NECAB3: variants seen among roughly 807,000 people sequenced by gnomAD.
NECAB3 encodes the protein N-terminal EF-hand calcium binding protein 3.
Under a neutral mutation model 57.2 loss-of-function variants are expected in NECAB3, and 38 were observed. The observed-to-expected ratio is 0.66, with a 90% CI of 0.51 to 0.87. The LOEUF (loss-of-function observed/expected upper bound fraction) is 0.87, where lower values mean the gene tolerates loss of function less well. Ranked by LOEUF, NECAB3 falls within the 40% of genes least tolerant of loss-of-function variation. The pLI, the probability that NECAB3 is intolerant of heterozygous loss-of-function variation, is 0.00. For synonymous variants in NECAB3, 223 were observed against 222.6 expected (o/e 1.00, Z -0.02); for missense variants, 474 against 527.5 (o/e 0.90, Z 0.99).
rs1358279584 is a variant in NECAB3, at chr20:33,674,337, GC to G, written c.15del (p.Leu6CysfsTer85). 8.3e-7 allele frequency: 1 copy of G among 1,204,902 alleles called. No homozygotes were observed. The highest frequency in any genetic ancestry group is 1.0e-6 in the Non-Finnish European group (1 of 970,528). The allele number at this position is 1,204,902 out of a possible 1,614,324, so 74.6% of individuals were successfully genotyped here. ...GGCCGGAGCAGGCACACGGTGAGCA[GC>G]CCCGCGCACGCCATGGCGCCGCCAC... is the stretch of plus-strand genomic sequence containing the variant. MACA[G>X]LLTVCLLRPP... is the part of the protein sequence containing the mutation. On this transcript the variant is annotated frameshift_variant, in exon 1 of 12. Transcript: ENST00000246190. LOFTEE classifies it high-confidence loss of function.
chr20:33,659,671 G>A lies in NECAB3; in HGVS notation c.705C>T (p.Ile235=), dbSNP rs538309239. Reference sequence around the variant, plus strand: ...CCCTCACCTTGCACTCGAGCTGGTCGATGAGCTCCTGGAGGCGGTTCACCT... The same window carrying A: ...CCCTCACCTTGCACTCGAGCTGGTCAATGAGCTCCTGGAGGCGGTTCACCT... ...RLQVNRLQEL[I]DQLECKVRAV... is the part of the protein sequence containing the mutation. The change falls in exon 8 of 12, where the codon ATC becomes ATT. Residue 235 remains isoleucine, a synonymous_variant. Coordinates refer to ENST00000246190, the MANE Select transcript of NECAB3 (RefSeq NM_031232.4). 11 of 1,610,524 alleles carry A rather than the reference G, an allele frequency of 6.8e-6. No individual in the cohort carries two copies. The highest frequency in any genetic ancestry group is 1.3e-5 in the African/African-American group (1 of 75,030).
chr20:33,669,651 G>A (rs773023951), intron 4 of NECAB3, 36 bp downstream of exon 4: 169 of 1,570,504 alleles, frequency 1.1e-4, no homozygotes, highest in Admixed American at 1.4e-4. Flanking sequence ...GGGCCCAGGG[G>A]CCACAGGAGA....
At chr20:33,667,381 C>T (rs1271995883) in intron 5 of NECAB3, 3 of 1,276,208 alleles carry the variant, frequency 2.4e-6, no homozygotes, top group Admixed American at 4.0e-5. Flanking sequence ...GGGCGGCCTG[C>T]GGGTGTGCCC....
At chr20:33,672,548 T>G in intron 1 of NECAB3, 126 bp from the exon 2 acceptor site, 1 of 1,148,218 alleles carries the variant, frequency 8.7e-7, no homozygotes. Flanking sequence ...CCGCCCAGCC[T>G]GGTCCCAAAC....
At chr20:33,672,449 A>T (rs372104709) in intron 1 of NECAB3, 27 bp from the exon 2 acceptor site, 36 of 1,613,834 alleles carry the variant, frequency 2.2e-5, no homozygotes, top group Admixed American at 1.5e-4. Context: ...CATAGAGAGA[A>T]CTGTGAGTGC....
chr20:33,667,657 C>T (rs2017710018), intron 5 of NECAB3: 4 of 1,610,200 alleles, frequency 2.5e-6, no homozygotes, highest in African/African-American at 1.3e-5. Flanking sequence ...CACCCTGTCG[C>T]GCTACCTGCG....
Position 33,657,924 on chromosome 20 carries a change from T to C in NECAB3, c.1162+18A>G. Reference sequence around the variant, plus strand: ...ACTGCCCCTCCAGGGCCACAGTGAGTGGGGGTCCACCGCATACCTGGGAAG... The same window carrying C: ...ACTGCCCCTCCAGGGCCACAGTGAGCGGGGGTCCACCGCATACCTGGGAAG... On this transcript the variant is annotated intron_variant, in intron 11 of 11. Coordinates refer to ENST00000246190, the MANE Select transcript of NECAB3 (RefSeq NM_031232.4). The C allele has an allele frequency of 6.4e-7, 1 of 1,552,276 alleles. No individual in the cohort carries two copies. The highest frequency in any genetic ancestry group is 1.2e-5 in the South Asian group (1 of 84,084).
At chr20:33,661,044 G>A (rs186859470) in intron 5 of NECAB3, among the ~76,000 whole-genome samples, 2 of 152,286 alleles carry the variant, frequency 1.3e-5, no homozygotes, top group Admixed American at 6.5e-5. Flanking sequence ...GGATTCTGAG[G>A]CTCCTCAACA....
At chr20:33,672,894 G>A (rs568150208) in intron 1 of NECAB3, among the ~76,000 whole-genome samples, 13 of 152,240 alleles carry the variant, frequency 8.5e-5, no homozygotes, top group Admixed American at 5.9e-4. Context: ...GTTTCCTTGC[G>A]TGCTGTTGAA....
chr20:33,666,669 C>T (rs1238005048), intron 5 of NECAB3: 1 of 152,308 alleles, frequency 6.6e-6, no homozygotes, highest in Admixed American at 6.5e-5. Flanking sequence ...CGTCAGCCAT[C>T]TCAGCAAGGG....
chr20:33,658,897 G>A, intron 8 of NECAB3, 63 bp from the exon 9 acceptor site: 1 of 1,184,530 alleles, frequency 8.4e-7, no homozygotes, highest in South Asian at 1.3e-5. Flanking sequence ...ACTGGCTGTG[G>A]CCTCCAGGAG....
rs755663875 is a variant in NECAB3, at chr20:33,659,732, CCT to C, written c.644-2_644-1del. ...CTGCATCTCGGCCTCTGAGCTGCGC[CCT>C]GTGTGTGGGGCCCGTGCAGGGTCAG... On this transcript the variant is annotated splice_acceptor_variant, in intron 7 of 11. Coordinates refer to ENST00000246190, the MANE Select transcript of NECAB3 (RefSeq NM_031232.4). LOFTEE classifies it high-confidence loss of function. The C allele has an allele frequency of 3.8e-6, 6 of 1,593,392 alleles. No homozygotes were observed. Among genetic ancestry groups the C allele is most frequent in the Admixed American group, 1.7e-5 (1 of 58,840 alleles).
In NECAB3 at chr20:33,659,621, CCCTTGTGGGGCCCTGG is replaced by C; in HGVS notation, c.739_754del (p.Pro247GlufsTer141). The C allele has an allele frequency of 6.2e-7, 1 of 1,610,154 alleles. No individual in the cohort carries two copies. Among genetic ancestry groups the C allele is most frequent in the Non-Finnish European group, 8.5e-7 (1 of 1,178,984 alleles). On this transcript the variant is annotated frameshift_variant, in exon 8 of 12. Coordinates refer to ENST00000246190, the MANE Select transcript of NECAB3 (RefSeq NM_031232.4). LOFTEE classifies it high-confidence loss of function. ...CTCTGGTGGATACCAGGAGGGTCCT[CCCTTGTGGGGCCCTGG>C]CCCCACGGCCCTCACCTTGCACTCG...
chr20:33,670,675 C>T lies in NECAB3; in HGVS notation c.263+9G>A. ...CTCGCATCTACCCACGGCCCCCTCT[C>T]ATACTCACTCGGTGAGATGCCCATC... On this transcript the variant is annotated intron_variant, in intron 3 of 11. Transcript: ENST00000246190. The T allele has an allele frequency of 6.2e-7, 1 of 1,607,108 alleles. No homozygotes were observed. Among genetic ancestry groups the T allele is most frequent in the Non-Finnish European group, 8.5e-7 (1 of 1,174,474 alleles).
intron 1 of NECAB3, among the ~76,000 whole-genome samples, chr20:33,673,943 G>T (rs981849043): frequency 6.6e-6 from 1 of 152,068 alleles, no homozygotes; most frequent in South Asian, 2.1e-4. Context: ...TGGGGTGACC[G>T]CTGCTGTGAT....
At chr20:33,669,747 G>C in intron 3 of NECAB3, 35 bp from the exon 4 acceptor site, 1 of 1,559,478 alleles carries the variant, frequency 6.4e-7, no homozygotes, top group Non-Finnish European at 8.7e-7. Context: ...TTCAGACCTG[G>C]GCCTGGTAAA....
chr20:33,660,445 T>G lies in NECAB3; in HGVS notation c.388-50A>C. ...GCATCTCCCAGCCCGGGCACTGATCTCTTGAGTGGGTCCCCTGCCTCTTGC... is the reference window on the plus strand; with the variant it reads ...GCATCTCCCAGCCCGGGCACTGATCGCTTGAGTGGGTCCCCTGCCTCTTGC... On this transcript the variant is annotated intron_variant, in intron 5 of 11. Transcript: ENST00000246190. This position sits in a 1 kb window ranked among gnomAD's most constrained non-coding sequence, Gnocchi z 4.1. The G allele has an allele frequency of 1.3e-6, 2 of 1,596,990 alleles. No homozygotes were observed. The highest frequency in any genetic ancestry group is 2.2e-5 in the South Asian group (2 of 90,138).
chr20:33,669,875 G>T (rs2017791110), intron 3 of NECAB3, among the ~76,000 whole-genome samples, 163 bp from the exon 4 acceptor site: 1 of 152,200 alleles, frequency 6.6e-6, no homozygotes, highest in South Asian at 2.1e-4. Flanking sequence ...GTCCTTGCAG[G>T]GTTGGAGAAT....
rs753382235 is a variant in NECAB3, at chr20:33,659,548, G to T, written c.828C>A (p.Ala276=). ...CTTCACGCAGGGGTTCCAGCCGGGG[G>T]GCCTGTGAGGGCACAGAGTGTGGGC... ...RPGPHSVPSQ[A]PRLEPLREED... is the part of the protein sequence containing the mutation. The change falls in exon 8 of 12, where the codon GCC becomes GCA. Residue 276 remains alanine, a synonymous_variant. Transcript: ENST00000246190. 40 of 1,557,610 alleles carry T rather than the reference G, an allele frequency of 2.6e-5. No homozygotes were observed. The highest frequency in any genetic ancestry group is 3.4e-5 in the Non-Finnish European group (39 of 1,147,942).
Sources: gnomAD v4.1 joint callset for allele counts (sites outside exome capture counted in the v4.1 genomes callset) on GRCh38, gnomAD v4.1.1 for gene constraint, Gnocchi (gnomAD v3.1) non-coding constraint, MANE v1.5 for transcripts, NCBI Gene and HGNC (gene_info 2026-07-23, HGNC 2026-07-21) for gene names.